RMDN2: variants seen among roughly 807,000 people sequenced by gnomAD.
RMDN2 encodes the protein regulator of microtubule dynamics protein 2.
Under a neutral mutation model 52.8 loss-of-function variants are expected in RMDN2, and 61 were observed. The observed-to-expected ratio is 1.16, with a 90% CI of 0.94 to 1.43. The LOEUF (loss-of-function observed/expected upper bound fraction) is 1.43, where lower values mean the gene tolerates loss of function less well. Ranked by LOEUF, RMDN2 falls within the 40% of genes most tolerant of loss-of-function variation. RMDN2 has a pLI of 0.00. For missense variants in RMDN2, 592 were observed against 475.3 expected (o/e 1.25, Z -2.28); for synonymous variants, 180 against 153.1 (o/e 1.18, Z -1.30).
intron 8 of RMDN2, among the ~76,000 whole-genome samples, chr2:38,001,376 A>G (rs1292958733): frequency 6.6e-6 from 1 of 152,212 alleles, no homozygotes; most frequent in Non-Finnish European, 1.5e-5. Context: ...TTGGAACATT[A>G]CATTGAAACA....
chr2:38,017,676 A>G lies in RMDN2; in HGVS notation c.*437A>G. The G allele has an allele frequency of 1.6e-6, 1 of 609,478 alleles. No homozygotes were observed. The highest frequency in any genetic ancestry group is 2.5e-6 in the Non-Finnish European group (1 of 393,850). 37.8% of individuals were successfully genotyped at this position (609,478 alleles called of 1,614,324 possible). A position where few individuals can be genotyped will look rare whatever the true frequency, so the allele number is the denominator to read the frequency against. ...TTGGCAGAAGAGGAAAAACAAACAAATGTAGTATTGTAACTGGTAATCAAA... is the reference window on the plus strand; with the variant it reads ...TTGGCAGAAGAGGAAAAACAAACAAGTGTAGTATTGTAACTGGTAATCAAA... On this transcript the variant is annotated 3_prime_UTR_variant, in exon 11 of 11. Coordinates refer to ENST00000354545, the MANE Select transcript of RMDN2 (RefSeq NM_001170791.3).
At chr2:37,921,662 A>T (rs1392328598), upstream of RMDN2, among the ~76,000 whole-genome samples, 4 of 152,332 alleles carry the variant, frequency 2.6e-5, no homozygotes, top group Middle Eastern at 3.4e-3. Flanking sequence ...TGCTATGAAG[A>T]GTCCCTTCAA....
In RMDN2 at chr2:37,973,839, A is replaced by G. The variant is rs75767944; in HGVS notation, c.453-201A>G. ...AAGAAGAGTAGTAGGAAATGAGATCAAAGAGGTAACGAGATCGTGGGCAAA... is the reference window on the plus strand; with the variant it reads ...AAGAAGAGTAGTAGGAAATGAGATCGAAGAGGTAACGAGATCGTGGGCAAA... On this transcript the variant is annotated intron_variant, in intron 2 of 10. Coordinates refer to ENST00000354545, the MANE Select transcript of RMDN2 (RefSeq NM_001170791.3). Among the ~76,000 whole-genome samples, 139 of 152,282 alleles carry G rather than the reference A, an allele frequency of 9.1e-4. 2 individuals carry two copies. In the East Asian group the frequency reaches 0.023, roughly 25 times the overall value.
chr2:37,941,177 C>T, intron 2 of RMDN2, among the ~76,000 whole-genome samples: 1 of 152,186 alleles, frequency 6.6e-6, no homozygotes, highest in East Asian at 1.9e-4. Flanking sequence ...CTGGAGTTTG[C>T]TGGGAGTCCA....
intron 2 of RMDN2, among the ~76,000 whole-genome samples, chr2:37,965,089 TC>T (rs547353364): frequency 3.7e-4 from 56 of 152,310 alleles, no homozygotes; most frequent in African/African-American, 1.1e-3. Context: ...TGTTTTTCTG[TC>T]CTTCCATATT....
intron 10 of RMDN2, among the ~76,000 whole-genome samples, chr2:38,052,080 T>C (rs917938232): frequency 2.6e-5 from 4 of 152,224 alleles, no homozygotes; most frequent in Non-Finnish European, 5.9e-5. Context: ...TTTAGTTTTT[T>C]GAGAAATCTC....
intron 10 of RMDN2, 112 bp downstream of exon 10, chr2:38,004,328 ATTTATT>A: frequency 1.4e-6 from 1 of 692,570 alleles, no homozygotes; most frequent in East Asian, 2.7e-5. Flanking sequence ...AATTTTATGT[ATTTATT>A]TTTATTCTAC....
chr2:38,009,978 C>A (rs955935629), intron 10 of RMDN2, among the ~76,000 whole-genome samples: 89 of 152,272 alleles, frequency 5.8e-4, no homozygotes, highest in Non-Finnish European at 1.1e-3. Context: ...GAGGTCCACT[C>A]CAGACCCTGT....
chr2:38,054,369 A>T (rs1681764179), intron 10 of RMDN2, among the ~76,000 whole-genome samples: 1 of 152,262 alleles, frequency 6.6e-6, no homozygotes, highest in African/African-American at 2.4e-5. Context: ...CAACTATAAA[A>T]CATTGGAGAA....
chr2:37,971,810 AGT>A (rs1405714391), intron 2 of RMDN2, among the ~76,000 whole-genome samples: 1 of 152,150 alleles, frequency 6.6e-6, no homozygotes, highest in Non-Finnish European at 1.5e-5. Context: ...TCCCTTTAAG[AGT>A]GCTTTGGCTG....
intron 10 of RMDN2, among the ~76,000 whole-genome samples, chr2:38,014,879 A>G (rs536131872): frequency 6.6e-6 from 1 of 152,356 alleles, no homozygotes; most frequent in South Asian, 2.1e-4. Flanking sequence ...AGTCATAGCA[A>G]TAAAATTTGA....
chr2:37,991,309 G>T lies in RMDN2; in HGVS notation c.945+12G>T. The T allele has an allele frequency of 7.4e-7, 1 of 1,351,864 alleles. No homozygotes were observed. Among genetic ancestry groups the T allele is most frequent in the Non-Finnish European group, 1.0e-6 (1 of 996,602 alleles). 83.7% of individuals were successfully genotyped at this position (1,351,864 alleles called of 1,614,324 possible). A position where few individuals can be genotyped will look rare whatever the true frequency, so the allele number is the denominator to read the frequency against. The stretch of plus-strand genomic sequence containing the variant: ...GATACTGCTATACTGTAAGTTGAAT[G>T]CCTTTATTTATAAACTTTATTTGAA... On this transcript the variant is annotated intron_variant, in intron 7 of 10. Transcript: ENST00000354545.
At position 38,017,275 on chromosome 2, in the gene RMDN2, T is replaced by C; in HGVS notation, c.*36T>C. 1 of 1,484,956 alleles carries C rather than the reference T, an allele frequency of 6.7e-7. No individual in the cohort carries two copies. Among genetic ancestry groups the C allele is most frequent in the Non-Finnish European group, 9.0e-7 (1 of 1,115,256 alleles). 92.0% of individuals were successfully genotyped at this position (1,484,956 alleles called of 1,614,324 possible). On this transcript the variant is annotated 3_prime_UTR_variant, in exon 11 of 11. Coordinates refer to ENST00000354545, the MANE Select transcript of RMDN2 (RefSeq NM_001170791.3). The stretch of plus-strand genomic sequence containing the variant: ...TTACTCTTCAACAAATCAGATGTGG[T>C]CTACCAAAATTTAAATGAATCAAAG...
intron 2 of RMDN2, chr2:37,951,831 G>A: frequency 6.2e-7 from 1 of 1,613,620 alleles, no homozygotes; most frequent in Non-Finnish European, 8.5e-7. Flanking sequence ...TATTGATACA[G>A]CCTCCTATCA....
At chr2:37,935,317 C>G (rs180916216) in intron 2 of RMDN2, among the ~76,000 whole-genome samples, 2 of 152,324 alleles carry the variant, frequency 1.3e-5, no homozygotes, top group South Asian at 2.1e-4. Flanking sequence ...TTAACTTTCA[C>G]TTTCATGAGC....
chr2:37,941,568 G>T (rs536898005), intron 2 of RMDN2, among the ~76,000 whole-genome samples: 1 of 152,216 alleles, frequency 6.6e-6, no homozygotes, highest in Admixed American at 6.5e-5. Flanking sequence ...TGAGACTACC[G>T]CCTGTCTTTC....
chr2:37,944,396 C>T (rs976467097), intron 2 of RMDN2, among the ~76,000 whole-genome samples: 1 of 151,786 alleles, frequency 6.6e-6, no homozygotes, highest in Non-Finnish European at 1.5e-5. Context: ...AAAACTCTGC[C>T]ATTGTAGTGT....
intron 10 of RMDN2, among the ~76,000 whole-genome samples, chr2:38,025,553 C>T (rs1437747161): frequency 6.6e-6 from 1 of 152,042 alleles, no homozygotes; most frequent in East Asian, 1.9e-4. Flanking sequence ...AATTTCTGAT[C>T]TGAGGGGAAA....
intron 1 of RMDN2, among the ~76,000 whole-genome samples, chr2:37,927,148 A>AT (rs918158601): frequency 5.5e-4 from 84 of 152,016 alleles, no homozygotes; most frequent in African/African-American, 2.0e-3. Context: ...CGTTGATTCT[A>AT]TTTTTTTCTA....
Sources: allele counts gnomAD v4.1 joint callset (sites outside exome capture counted in the v4.1 genomes callset), GRCh38; gene constraint gnomAD v4.1.1; transcripts MANE v1.5; gene names NCBI Gene and HGNC (gene_info 2026-07-23, HGNC 2026-07-21).